TTI2: variants seen among roughly 807,000 people sequenced by gnomAD.
TTI2 encodes the protein TELO2-interacting protein 2.
Under a neutral mutation model 44.9 loss-of-function variants are expected in TTI2, and 26 were observed. The observed-to-expected ratio is 0.58, with a 90% CI of 0.42 to 0.80. TTI2 has a LOEUF of 0.80. Among genes scored for constraint, TTI2 ranks in the 30% least tolerant of loss-of-function variants. TTI2 has a pLI of 0.00. For synonymous variants in TTI2, 254 were observed against 250.9 expected, an observed-to-expected ratio of 1.01 and a Z score of -0.12; for missense variants, 582 against 611.6, an observed-to-expected ratio of 0.95 and a Z score of 0.51.
chr8:33,500,298 C>T, intron 7 of TTI2, 30 bp downstream of exon 7: 1 of 1,613,214 alleles, frequency 6.2e-7, no homozygotes, highest in Non-Finnish European at 8.5e-7. Flanking sequence ...TAATGAGGCC[C>T]AACTGAAACC....
chr8:33,502,938 G>C (rs1490743099), intron 6 of TTI2, among the ~76,000 whole-genome samples: 1 of 151,902 alleles, frequency 6.6e-6, no homozygotes, highest in Non-Finnish European at 1.5e-5. Flanking sequence ...GACCAGCCTG[G>C]CCAACATAGT....
chr8:33,512,562 A>G lies in TTI2; in HGVS notation c.52T>C (p.Ser18Pro). Residue 18 changes from serine (S) to proline (P), a missense_variant, in exon 2 of 8, where the codon TCC becomes CCC. Ser to Pro is a moderately conservative substitution (Grantham distance 74, BLOSUM62 -1). Coordinates refer to ENST00000431156, the MANE Select transcript of TTI2 (RefSeq NM_001102401.4). The part of the protein sequence containing the change: ...EAPSQEDSNL[S>P]EELSHSAFGQ... ...AAGGCGGAGTGAGACAACTCCTCGG[A>G]CAAATTAGAGTCTTCCTGCGATGGG... 6.2e-7 allele frequency: 1 copy of G among 1,614,098 alleles called. No homozygotes were observed. Among genetic ancestry groups the G allele is most frequent in the Admixed American group, 1.7e-5 (1 of 60,002 alleles).
rs114120191 is a variant in TTI2, at chr8:33,509,857, C to T, written c.723G>A (p.Leu241=). ...GAAGTACCCTTTCCAGATGCTGGCT[C>T]AGCCAGGGCCGAGTGACCTGTTGCA... ...WTLQQVTRPW[L]SQHLERVLPA... Residue 241 remains leucine (L), a synonymous_variant, in exon 3 of 8, where the codon CTG becomes CTA. Coordinates refer to ENST00000431156, the MANE Select transcript of TTI2 (RefSeq NM_001102401.4). 4,524 of 1,613,844 alleles carry T rather than the reference C, an allele frequency of 2.8e-3. 130 individuals are homozygous for T. The African/African-American group carries it at 0.052, about 19-fold the overall frequency.
chr8:33,500,523 C>CT, intron 6 of TTI2, 33 bp from the exon 7 acceptor site: 1 of 1,611,568 alleles, frequency 6.2e-7, no homozygotes, highest in African/African-American at 1.3e-5. Flanking sequence ...TGTTCATACT[C>CT]TAAATCTGGA....
rs1283384485 is a variant in TTI2, at chr8:33,509,941, A to G, written c.648-9T>C. ...TATTCTTCCAGGATTCCCTAAGTGA[A>G]TACATAGAATTACATTAAGTGACAT... On this transcript the variant is annotated splice_polypyrimidine_tract_variant and intron_variant, in intron 2 of 7. Coordinates refer to ENST00000431156, the MANE Select transcript of TTI2 (RefSeq NM_001102401.4). 1 of 1,588,886 alleles carries G rather than the reference A, an allele frequency of 6.3e-7. No homozygotes were observed.
In TTI2 at chr8:33,500,477, G is replaced by A; in HGVS notation, c.1273C>T (p.Leu425Phe). The change falls in exon 7 of 8, where the codon CTT (leucine) becomes TTT (phenylalanine). Residue 425 changes from leucine (L) to phenylalanine (F), a missense_variant. Leu to Phe is a conservative substitution (Grantham distance 22). Coordinates refer to ENST00000431156, the MANE Select transcript of TTI2 (RefSeq NM_001102401.4). ...QHTWPRVSCRLVVLLKALLKL... is the reference protein window; with the variant it reads ...QHTWPRVSCRFVVLLKALLKL... ...AAGAGGGCCTTCAGTAAGACCACAA[G>A]TCTGCAGGAAACTCTGGAATCAGGA... 1.9e-6 allele frequency: 3 copies of A among 1,614,082 alleles called. No homozygotes were observed. The South Asian group carries it at 3.3e-5, about 18-fold the overall frequency.
Position 33,512,321 on chromosome 8 carries a change from T to A in TTI2, c.293A>T (p.Glu98Val). The change falls in exon 2 of 8, where the codon GAG (glutamate) becomes GTG (valine). Residue 98 changes from glutamate to valine, a missense_variant. Glu to Val is a moderately radical substitution (Grantham distance 121). Coordinates refer to ENST00000431156, the MANE Select transcript of TTI2 (RefSeq NM_001102401.4). ...ALEKYAAPSK[E>V]EEGGGDGHSE... The stretch of plus-strand genomic sequence containing the variant: ...GTGCCCATCACCTCCACCTTCCTCC[T>A]CCTTGGAGGGGGCTGCATACTTCTC... 2 of 1,614,140 alleles carry A rather than the reference T, an allele frequency of 1.2e-6. No homozygotes were observed. The highest frequency in any genetic ancestry group is 1.7e-6 in the Non-Finnish European group (2 of 1,180,026).
intron 7 of TTI2, 92 bp downstream of exon 7, chr8:33,500,236 G>T: frequency 2.7e-6 from 4 of 1,460,040 alleles, no homozygotes; most frequent in East Asian, 2.3e-5. Context: ...TTCCAGACTT[G>T]GTCAGGCACA....
intron 6 of TTI2, among the ~76,000 whole-genome samples, chr8:33,502,953 C>A (rs62511896): frequency 3.0e-4 from 45 of 152,100 alleles, no homozygotes; most frequent in Admixed American, 2.8e-3. Context: ...CATAGTGAAA[C>A]CCCATCTCTA....
At chr8:33,505,137 C>T (rs1388156960) in intron 4 of TTI2, among the ~76,000 whole-genome samples, 4 of 152,076 alleles carry the variant, frequency 2.6e-5, no homozygotes, top group Admixed American at 1.3e-4. Context: ...GCAGAAGGAT[C>T]GCTTGAACCT....
At chr8:33,500,281 A>G (rs1455986949) in intron 7 of TTI2, 47 bp downstream of exon 7, 2 of 1,609,284 alleles carry the variant, frequency 1.2e-6, no homozygotes, top group Non-Finnish European at 1.7e-6. Flanking sequence ...TGGGAATTAC[A>G]TAAGGATAAT....
At chr8:33,504,083 A>T in intron 4 of TTI2, 148 bp from the exon 5 acceptor site, 1 of 802,488 alleles carries the variant, frequency 1.2e-6, no homozygotes, top group South Asian at 1.5e-5. Context: ...TGAACTGCAC[A>T]TTACTTTACA....
At chr8:33,509,132 C>CAA (rs751009227) in intron 3 of TTI2, among the ~76,000 whole-genome samples, 50,575 of 96,420 alleles carry the variant, frequency 0.52, 12,440 homozygotes, top group Non-Finnish European at 0.57. Context: ...GATAATGTCT[C>CAA]AAAAAAAAAA....
rs1465902143 is a variant in TTI2 at position 33,512,357 on chromosome 8, G to A, written c.257C>T (p.Ala86Val). 1.2e-6 allele frequency: 2 copies of A among 1,614,050 alleles called. No individual in the cohort carries two copies. Among genetic ancestry groups the A allele is most frequent in the African/African-American group, 1.3e-5 (1 of 74,910 alleles). ...RGMPETLGQVAKALEKYAAPS... is the reference protein window; with the variant it reads ...RGMPETLGQVVKALEKYAAPS... ...GGCTGCATACTTCTCCAGGGCTTTT[G>A]CTACCTGCCCCAGTGTCTCCGGCAT... is the stretch of plus-strand genomic sequence containing the variant. The change falls in exon 2 of 8, where the codon GCA becomes GTA. Residue 86 changes from alanine (A) to valine (V), a missense_variant. By Grantham distance (64) the Ala-to-Val change is moderately conservative. Transcript: ENST00000431156.
chr8:33,509,830 G>T lies in TTI2; in HGVS notation c.750C>A (p.Pro250=), dbSNP rs138257989. 1 of 1,613,958 alleles carries T rather than the reference G, an allele frequency of 6.2e-7. No homozygotes were observed. Among genetic ancestry groups the T allele is most frequent in the Admixed American group, 1.7e-5 (1 of 59,972 alleles). ...AGTCATCTGAAATGACCAATGATGC[G>T]GGAAGTACCCTTTCCAGATGCTGGC... ...WLSQHLERVL[P]ASLVISDDYQ... Residue 250 remains proline (P), a synonymous_variant, in exon 3 of 8, where the codon CCC becomes CCA. Transcript: ENST00000431156.
chr8:33,507,315 C>T lies in TTI2; in HGVS notation c.841G>A (p.Ala281Thr). The change falls in exon 4 of 8, where the codon GCT becomes ACT. Residue 281 changes from alanine to threonine, a missense_variant. Coordinates refer to ENST00000431156, the MANE Select transcript of TTI2 (RefSeq NM_001102401.4). ...GCTCTGTTATACTGGAGCAAATCAG[C>T]AGCTGGCTGCAACCAGACAAATCGT... ...LHHIVLNVPA[A>T]DLLQYNRAQV... The T allele has an allele frequency of 6.2e-7, 1 of 1,614,084 alleles. No individual in the cohort carries two copies. The highest frequency in any genetic ancestry group is 8.5e-7 in the Non-Finnish European group (1 of 1,179,954).
intron 2 of TTI2, among the ~76,000 whole-genome samples, chr8:33,510,266 T>C (rs920948298): frequency 2.6e-5 from 4 of 152,182 alleles, no homozygotes; most frequent in Admixed American, 2.6e-4. Context: ...AATGGATTAG[T>C]AGTATTACAC....
At chr8:33,499,525 G>C in intron 7 of TTI2, 2 of 398,768 alleles carry the variant, frequency 5.0e-6, no homozygotes, top group Non-Finnish European at 9.1e-6. Flanking sequence ...GCTGGCTCAT[G>C]AAACAGCAGA....
intron 2 of TTI2, 33 bp from the exon 3 acceptor site, chr8:33,509,965 A>C: frequency 1.0e-6 from 1 of 983,346 alleles, no homozygotes; most frequent in Non-Finnish European, 1.5e-6. Flanking sequence ...ATTAAGTGAC[A>C]TGGTGATAAG....
Sources: allele counts gnomAD v4.1 joint callset (sites outside exome capture counted in the v4.1 genomes callset), GRCh38; gene constraint gnomAD v4.1.1; transcripts MANE v1.5; gene names NCBI Gene and HGNC (gene_info 2026-07-23, HGNC 2026-07-21).